The following NEK10 variants were observed in gnomAD, a reference collection of about 807,000 sequenced individuals.
The protein encoded by NEK10 is serine/threonine-protein kinase Nek10.
A neutral mutation model predicts 159.8 loss-of-function variants in NEK10; 122 were observed. The ratio of observed to expected loss-of-function variants is 0.76; its 90% CI spans 0.66 to 0.89. The LOEUF is 0.89. Among genes scored for constraint, NEK10 ranks in the 40% least tolerant of loss-of-function variants. NEK10 has a pLI of 0.00. For missense variants in NEK10, 1,342 were observed against 1,323.1 expected, an observed-to-expected ratio of 1.01 and a Z score of -0.22; for synonymous variants, 466 against 457.1, an observed-to-expected ratio of 1.02 and a Z score of -0.25.
intron 26 of NEK10, among the ~76,000 whole-genome samples, chr3:27,182,342 T>A (rs928721932): frequency 1.3e-5 from 2 of 152,156 alleles, no homozygotes; most frequent in African/African-American, 4.8e-5. Context: ...ACAATATATA[T>A]AATTTTTTGC....
chr3:27,280,716 G>A (rs11919927), intron 22 of NEK10, among the ~76,000 whole-genome samples: 40,389 of 151,962 alleles, frequency 0.27, 5,505 homozygotes, highest in Middle Eastern at 0.39. Flanking sequence ...ACTGGAACTC[G>A]CAGTGCTTCT....
chr3:27,343,459 A>G (rs2047341395), intron 5 of NEK10, among the ~76,000 whole-genome samples: 2 of 152,204 alleles, frequency 1.3e-5, no homozygotes, highest in African/African-American at 4.8e-5. Flanking sequence ...TGGAATTCAC[A>G]TATCTCAATC....
At chr3:27,122,948 G>C (rs1259317083) in intron 32 of NEK10, among the ~76,000 whole-genome samples, 3 of 152,086 alleles carry the variant, frequency 2.0e-5, no homozygotes, top group Non-Finnish European at 4.4e-5. Context: ...GAAATTCTTA[G>C]AGAGATCGGC....
At chr3:27,362,211 C>A (rs550526842) in intron 1 of NEK10, among the ~76,000 whole-genome samples, 1 of 152,102 alleles carries the variant, frequency 6.6e-6, no homozygotes, top group Admixed American at 6.6e-5. Flanking sequence ...GGGATGCAGG[C>A]AAGATGCTGA....
intron 26 of NEK10, among the ~76,000 whole-genome samples, chr3:27,177,556 AT>A (rs145254458): frequency 0.28 from 39,231 of 138,254 alleles, 5,200 homozygotes; most frequent in Middle Eastern, 0.41. Context: ...AAAAAAAAAA[AT>A]ATATATATAT....
At chr3:27,277,972 T>C (rs1328986473) in intron 22 of NEK10, among the ~76,000 whole-genome samples, 1 of 152,202 alleles carries the variant, frequency 6.6e-6, no homozygotes, top group African/African-American at 2.4e-5. Context: ...ATAGGAGTCT[T>C]GTTAAGTCAG....
intron 26 of NEK10, among the ~76,000 whole-genome samples, chr3:27,190,093 C>T (rs146479061): frequency 1.8e-3 from 267 of 152,236 alleles, no homozygotes; most frequent in Middle Eastern, 6.8e-3. Context: ...CAATTTATGC[C>T]ACTTTTAAAG....
chr3:27,294,963 A>G (rs992193853), intron 15 of NEK10, among the ~76,000 whole-genome samples: 3 of 151,364 alleles, frequency 2.0e-5, no homozygotes, highest in African/African-American at 7.3e-5. Flanking sequence ...CAAACCACAC[A>G]CCCCAGTTCC....
intron 23 of NEK10, among the ~76,000 whole-genome samples, chr3:27,245,250 T>A (rs1016369295): frequency 6.6e-6 from 1 of 152,160 alleles, no homozygotes; most frequent in African/African-American, 2.4e-5. Context: ...GGGGGATTCT[T>A]CTTCTTTTTT....
intron 30 of NEK10, 96 bp downstream of exon 30, chr3:27,162,605 A>C: frequency 6.2e-7 from 1 of 1,614,076 alleles, no homozygotes; most frequent in Non-Finnish European, 8.5e-7. Flanking sequence ...AGCAAAGCTG[A>C]AGAAATAAAA....
At chr3:27,228,322 T>TTAC (rs1385431940) in intron 23 of NEK10, among the ~76,000 whole-genome samples, 1 of 152,108 alleles carries the variant, frequency 6.6e-6, no homozygotes, top group Admixed American at 6.6e-5. Flanking sequence ...ATATTTGGAA[T>TTAC]TACCACTTTC....
chr3:27,235,592 A>G (rs1456770638), intron 23 of NEK10, among the ~76,000 whole-genome samples: 2 of 152,194 alleles, frequency 1.3e-5, no homozygotes, highest in African/African-American at 4.8e-5. Flanking sequence ...AATGGCTATC[A>G]CTAAGAAGTC....
At chr3:27,359,004 C>A (rs1326944490) in intron 1 of NEK10, among the ~76,000 whole-genome samples, 1 of 152,112 alleles carries the variant, frequency 6.6e-6, no homozygotes, top group African/African-American at 2.4e-5. Flanking sequence ...CAGTTCAAGA[C>A]CAGCCTGACC....
intron 26 of NEK10, among the ~76,000 whole-genome samples, chr3:27,175,073 A>G (rs909021177): frequency 3.3e-5 from 5 of 152,226 alleles, no homozygotes; most frequent in African/African-American, 7.2e-5. Flanking sequence ...AAGAGTGTTC[A>G]GTAGAAAAGG....
intron 23 of NEK10, among the ~76,000 whole-genome samples, chr3:27,203,942 G>A (rs1950263161): frequency 6.6e-6 from 1 of 152,116 alleles, no homozygotes. Flanking sequence ...GCAGGGCTCT[G>A]CGGTTCTAAA....
rs148543489 is a variant in NEK10 at position 27,148,820 on chromosome 3, T to C, written c.2870-7238A>G. ...CTCCCAGGCAGAAACCCAAATGGCA[T>C]GAGTGTGAGTTGCCATTTAACAGGT... On this transcript the variant is annotated intron_variant, in intron 30 of 35. Coordinates refer to ENST00000691995, the MANE Select transcript of NEK10 (RefSeq NM_001394966.1). 8.6e-3 allele frequency among the ~76,000 whole-genome samples: 1,307 copies of C among 152,204 alleles called. 19 individuals are homozygous for C. Among genetic ancestry groups the C allele is most frequent in the African/African-American group, 0.029 (1,215 of 41,512 alleles).
intron 22 of NEK10, among the ~76,000 whole-genome samples, chr3:27,267,681 C>T (rs2041017047): frequency 6.6e-6 from 1 of 152,112 alleles, no homozygotes; most frequent in Admixed American, 6.5e-5. Context: ...CTGGCTGTTC[C>T]CCCAGCTCTC....
At chr3:27,138,343 C>G (rs573438768) in intron 31 of NEK10, among the ~76,000 whole-genome samples, 7 of 152,300 alleles carry the variant, frequency 4.6e-5, no homozygotes, top group Non-Finnish European at 1.0e-4. Flanking sequence ...TTGCCCAGGT[C>G]CCCCAGAGGG....
At chr3:27,276,284 G>A (rs1164018366) in intron 22 of NEK10, among the ~76,000 whole-genome samples, 1 of 152,034 alleles carries the variant, frequency 6.6e-6, no homozygotes, top group African/African-American at 2.4e-5. Context: ...CATGTGCTAT[G>A]AGACAGGCAA....
Sources: gnomAD v4.1 joint callset for allele counts (sites outside exome capture counted in the v4.1 genomes callset) on GRCh38, gnomAD v4.1.1 for gene constraint, MANE v1.5 for transcripts, NCBI Gene and HGNC (gene_info 2026-07-23, HGNC 2026-07-21) for gene names.